The following MIPOL1 variants were observed in gnomAD, a reference collection of about 807,000 sequenced individuals.
The protein encoded by MIPOL1 is mirror-image polydactyly gene 1 protein.
MIPOL1 carries 57 observed loss-of-function variants against 60.9 expected under a neutral mutation model. The observed-to-expected ratio is 0.94, with a 90% CI of 0.76 to 1.17. The LOEUF is 1.17. Ranked by LOEUF, MIPOL1 falls within the 50% of genes most tolerant of loss-of-function variation. The probability of loss-of-function intolerance (pLI) is 0.00; values close to 1 mark genes in which losing one functional copy is unlikely to be tolerated. For missense variants in MIPOL1, 551 were observed against 511.6 expected (o/e 1.08, Z -0.74); for synonymous variants, 179 against 168.8 (o/e 1.06, Z -0.47).
intron 11 of MIPOL1, among the ~76,000 whole-genome samples, chr14:37,470,792 A>G (rs1180476433): frequency 6.6e-6 from 1 of 152,206 alleles, no homozygotes; most frequent in East Asian, 1.9e-4. Context: ...ACTGAAGAGC[A>G]TCAAGGAAAG....
chr14:37,379,330 T>A (rs1000572729), intron 10 of MIPOL1, among the ~76,000 whole-genome samples: 3 of 152,012 alleles, frequency 2.0e-5, no homozygotes, highest in Non-Finnish European at 2.9e-5. Flanking sequence ...TTTTCACAAA[T>A]CTAAATGTTA....
At chr14:37,518,987 CAA>C (rs1168620231) in intron 12 of MIPOL1, among the ~76,000 whole-genome samples, 5 of 152,118 alleles carry the variant, frequency 3.3e-5, no homozygotes, top group Middle Eastern at 3.4e-3. Context: ...TACTCAAAAA[CAA>C]GAGATGAAGG....
chr14:37,305,762 A>G (rs536661018), intron 7 of MIPOL1, among the ~76,000 whole-genome samples: 87 of 151,866 alleles, frequency 5.7e-4, no homozygotes, highest in African/African-American at 2.0e-3. Flanking sequence ...TCATTTTTTT[A>G]TTTTAACCAG....
At chr14:37,276,609 A>G (rs2083679805) in intron 6 of MIPOL1, 1 of 151,148 alleles carries the variant, frequency 6.6e-6, no homozygotes, top group African/African-American at 2.4e-5. Context: ...ACAAGAGTTA[A>G]TTTTCTTTAC....
intron 11 of MIPOL1, among the ~76,000 whole-genome samples, chr14:37,459,561 A>G (rs938587749): frequency 4.3e-4 from 65 of 152,198 alleles, no homozygotes; most frequent in Non-Finnish European, 2.9e-5. Flanking sequence ...TAGTACCAGA[A>G]GGATTCACAG....
chr14:37,384,650 T>G (rs904472777), intron 10 of MIPOL1, among the ~76,000 whole-genome samples: 1 of 151,968 alleles, frequency 6.6e-6, no homozygotes, highest in Non-Finnish European at 1.5e-5. Flanking sequence ...CAAGATTAAT[T>G]TGGGAACTGA....
intron 11 of MIPOL1, among the ~76,000 whole-genome samples, chr14:37,443,339 G>A (rs2094279661): frequency 6.6e-6 from 1 of 151,036 alleles, no homozygotes; most frequent in Non-Finnish European, 1.5e-5. Flanking sequence ...TGTACCTATA[G>A]TTCCAGCTAC....
intron 1 of MIPOL1, among the ~76,000 whole-genome samples, chr14:37,227,267 T>C (rs1969901468): frequency 6.6e-6 from 1 of 152,226 alleles, no homozygotes; most frequent in Non-Finnish European, 1.5e-5. Context: ...GACTGCTTGC[T>C]GTTCAAATGA....
chr14:37,381,707 T>A (rs2092929202), intron 10 of MIPOL1, among the ~76,000 whole-genome samples: 2 of 151,732 alleles, frequency 1.3e-5, no homozygotes, highest in Admixed American at 6.6e-5. Flanking sequence ...CTCAGCCTCC[T>A]AAGCAGTTGA....
chr14:37,455,630 T>C (rs1033868164), intron 11 of MIPOL1, among the ~76,000 whole-genome samples: 4 of 152,082 alleles, frequency 2.6e-5, no homozygotes, highest in Admixed American at 2.0e-4. Flanking sequence ...AATAACTTAC[T>C]GCCACTCTCC....
chr14:37,473,820 A>G (rs2094725053), intron 11 of MIPOL1, among the ~76,000 whole-genome samples: 1 of 152,078 alleles, frequency 6.6e-6, no homozygotes. Context: ...AAAATGTCAC[A>G]TATTCATTAT....
intron 1 of MIPOL1, among the ~76,000 whole-genome samples, chr14:37,242,629 T>C (rs1302219267): frequency 6.6e-6 from 1 of 152,186 alleles, no homozygotes; most frequent in Non-Finnish European, 1.5e-5. Context: ...AGTTTCTTGC[T>C]AGTCATGTCC....
At chr14:37,458,390 AT>A (rs1938573368) in intron 11 of MIPOL1, among the ~76,000 whole-genome samples, 1 of 152,186 alleles carries the variant, frequency 6.6e-6, no homozygotes, top group Admixed American at 6.5e-5. Context: ...TACATGGATC[AT>A]TTTACACAAT....
At chr14:37,534,013 A>C (rs370850958) in intron 12 of MIPOL1, among the ~76,000 whole-genome samples, 2 of 150,172 alleles carry the variant, frequency 1.3e-5, no homozygotes, top group South Asian at 4.2e-4. Flanking sequence ...GCTTGAACCC[A>C]GGAGGTGGAG....
At position 37,270,432 on chromosome 14, in the gene MIPOL1, T is replaced by C; in HGVS notation, c.400T>C (p.Leu134=). The C allele has an allele frequency of 6.4e-7, 1 of 1,572,794 alleles. No individual in the cohort carries two copies. The highest frequency in any genetic ancestry group is 8.6e-7 in the Non-Finnish European group (1 of 1,156,940). ...CAATGTGCTTTAGCTTCAGCAGAAA[T>C]TGGCTAAAGAAGATAAAGAACAGAG... The part of the protein sequence containing the change: ...RTSNKKLQQK[L]AKEDKEQRKL... The change falls in exon 6 of 13, where the codon TTG becomes CTG. Residue 134 remains leucine, a synonymous_variant. Coordinates refer to ENST00000684589, the MANE Select transcript of MIPOL1 (RefSeq NM_001388067.1).
intron 11 of MIPOL1, among the ~76,000 whole-genome samples, chr14:37,480,865 G>C (rs546545935): frequency 6.6e-6 from 1 of 152,296 alleles, no homozygotes; most frequent in African/African-American, 2.4e-5. Flanking sequence ...CAGGCTGGGT[G>C]CAGTGGTTCA....
chr14:37,369,191 A>G (rs1452217841), intron 9 of MIPOL1, among the ~76,000 whole-genome samples: 4 of 152,046 alleles, frequency 2.6e-5, no homozygotes, highest in African/African-American at 9.7e-5. Flanking sequence ...GTTTTATTCA[A>G]CCAACAGATA....
At chr14:37,272,279 T>G (rs1300564668) in intron 6 of MIPOL1, among the ~76,000 whole-genome samples, 1 of 151,640 alleles carries the variant, frequency 6.6e-6, no homozygotes, top group African/African-American at 2.4e-5. Context: ...AAAGTTGTTT[T>G]AAGGGATAAA....
chr14:37,470,984 A>G (rs533122559), intron 11 of MIPOL1, among the ~76,000 whole-genome samples: 7 of 152,136 alleles, frequency 4.6e-5, no homozygotes, highest in Non-Finnish European at 7.3e-5. Flanking sequence ...AAATTTACCT[A>G]TTGGTTATAG....
Sources: gnomAD v4.1 joint callset for allele counts (sites outside exome capture counted in the v4.1 genomes callset) on GRCh38, gnomAD v4.1.1 for gene constraint, MANE v1.5 for transcripts, NCBI Gene and HGNC (gene_info 2026-07-23, HGNC 2026-07-21) for gene names.